SLC39A11: variants seen among roughly 807,000 people sequenced by gnomAD.
SLC39A11 encodes zinc transporter ZIP11.
SLC39A11 carries 33 observed loss-of-function variants against 36.1 expected under a neutral mutation model. That is an observed-to-expected ratio of 0.91 (90% confidence interval 0.69 to 1.22). The LOEUF is 1.22. SLC39A11 is among the 50% of genes most tolerant of loss of function. SLC39A11 has a pLI of 0.00. For missense variants in SLC39A11, 432 were observed against 430.3 expected, an observed-to-expected ratio of 1.00 and a Z score of -0.03; for synonymous variants, 166 against 170.3, an observed-to-expected ratio of 0.97 and a Z score of 0.20.
intron 5 of SLC39A11, among the ~76,000 whole-genome samples, chr17:72,892,034 TA>T (rs71354892): frequency 0.35 from 52,360 of 151,522 alleles, 9,394 homozygotes; most frequent in East Asian, 0.69. Flanking sequence ...GAGATAAGAC[TA>T]TTTTTTTTCC....
chr17:72,900,190 AAAG>A (rs2146918900), intron 5 of SLC39A11, among the ~76,000 whole-genome samples: 1 of 149,084 alleles, frequency 6.7e-6, no homozygotes, highest in East Asian at 2.0e-4. Flanking sequence ...AGAAAGAAAG[AAAG>A]AAAGAAAGAA....
In SLC39A11 at chr17:73,067,103, C is replaced by A. The variant is rs536379395; in HGVS notation, c.147+17705G>T. On this transcript the variant is annotated intron_variant, in intron 3 of 9. Coordinates refer to ENST00000255559, the MANE Select transcript of SLC39A11 (RefSeq NM_139177.4). Reference sequence around the variant, plus strand: ...AATAACAGAATGAAGACTAAAAGTTCTCTCCGCACTAGGCTGTGTGGCCAC... The same window carrying A: ...AATAACAGAATGAAGACTAAAAGTTATCTCCGCACTAGGCTGTGTGGCCAC... Among the ~76,000 whole-genome samples, 16 of 152,226 alleles carry A rather than the reference C, an allele frequency of 1.1e-4. 1 individual carries two copies. The highest frequency in any genetic ancestry group is 1.8e-4 in the Non-Finnish European group (12 of 68,044).
intron 5 of SLC39A11, among the ~76,000 whole-genome samples, chr17:72,897,190 A>C (rs552333643): frequency 6.6e-6 from 1 of 152,294 alleles, no homozygotes; most frequent in South Asian, 2.1e-4. Flanking sequence ...TTCATGGCAG[A>C]GATGATGAAG....
At chr17:72,847,159 T>C (rs1567814421) in intron 6 of SLC39A11, among the ~76,000 whole-genome samples, 1 of 152,068 alleles carries the variant, frequency 6.6e-6, no homozygotes, top group Non-Finnish European at 1.5e-5. Context: ...TCCCAGCACT[T>C]TGAGAGGCTG....
chr17:72,994,589 G>T (rs968109579), intron 4 of SLC39A11, among the ~76,000 whole-genome samples: 1 of 152,072 alleles, frequency 6.6e-6, no homozygotes, highest in African/African-American at 2.4e-5. Context: ...AGTTTTTTAC[G>T]TGTATCATAT....
At chr17:72,742,566 G>C (rs2074760957) in intron 6 of SLC39A11, among the ~76,000 whole-genome samples, 1 of 152,126 alleles carries the variant, frequency 6.6e-6, no homozygotes, top group African/African-American at 2.4e-5. Flanking sequence ...ACTATTTCCT[G>C]ACACTAGACA....
intron 6 of SLC39A11, among the ~76,000 whole-genome samples, chr17:72,760,556 C>A (rs2075542533): frequency 6.6e-6 from 1 of 152,198 alleles, no homozygotes; most frequent in African/African-American, 2.4e-5. Flanking sequence ...CCTACACACC[C>A]CATCTCCTAC....
intron 7 of SLC39A11, among the ~76,000 whole-genome samples, chr17:72,718,552 TG>T (rs34035677): frequency 0.068 from 10,406 of 152,246 alleles, 473 homozygotes; most frequent in African/African-American, 0.13. Context: ...CACACGACTT[TG>T]GGGGAGAGTT....
At position 72,777,905 on chromosome 17, in the gene SLC39A11, A is replaced by G. The variant is rs2567530; in HGVS notation, c.602-41186T>C. Among the ~76,000 whole-genome samples the G allele has an allele frequency of 1.2e-3, 132 of 113,114 alleles. 1 individual carries two copies. Among genetic ancestry groups the G allele is most frequent in the African/African-American group, 3.4e-3 (117 of 34,754 alleles). 74.2% of individuals were successfully genotyped at this position (113,114 alleles called of 152,430 possible). A position where few individuals can be genotyped will look rare whatever the true frequency, so the allele number is the denominator to read the frequency against. On this transcript the variant is annotated intron_variant, in intron 6 of 9. Transcript: ENST00000255559. ...TGTATGTATGTATGTATGTACGTAC[A>G]TACTTACTTACTTATTTGAGACAGA...
chr17:72,777,209 A>G (rs1236421836), intron 6 of SLC39A11, among the ~76,000 whole-genome samples: 2 of 152,300 alleles, frequency 1.3e-5, no homozygotes, highest in East Asian at 3.9e-4. Context: ...TCTAAACCAA[A>G]AAAAGGGCAT....
chr17:72,746,426 G>C (rs927511472), intron 6 of SLC39A11, among the ~76,000 whole-genome samples: 1 of 150,502 alleles, frequency 6.6e-6, no homozygotes, highest in East Asian at 1.9e-4. Flanking sequence ...GACCAGCCTG[G>C]GCAACATAGC....
chr17:72,828,266 C>T (rs1447682325), intron 6 of SLC39A11, among the ~76,000 whole-genome samples: 1 of 152,138 alleles, frequency 6.6e-6, no homozygotes, highest in Non-Finnish European at 1.5e-5. Flanking sequence ...TCTGGAGGAT[C>T]CCACTGTAAT....
At chr17:72,963,800 T>C (rs2086790666) in intron 4 of SLC39A11, among the ~76,000 whole-genome samples, 1 of 152,202 alleles carries the variant, frequency 6.6e-6, no homozygotes, top group African/African-American at 2.4e-5. Flanking sequence ...GATATCTGTG[T>C]TGGCCTCAGG....
intron 4 of SLC39A11, among the ~76,000 whole-genome samples, chr17:73,005,140 C>A (rs532849363): frequency 8.5e-5 from 13 of 152,126 alleles, no homozygotes; most frequent in African/African-American, 2.9e-4. Context: ...GGGATTACAA[C>A]TAATTTTTGT....
At chr17:72,719,439 C>T (rs957388209) in intron 7 of SLC39A11, among the ~76,000 whole-genome samples, 1 of 152,170 alleles carries the variant, frequency 6.6e-6, no homozygotes. Flanking sequence ...CCTTTCTTGG[C>T]GTACCAAGCA....
In SLC39A11 at chr17:72,967,399, A is replaced by AGAGTGTGTGTGTGT. The variant is rs143987646; in HGVS notation, c.307-19525_307-19524insACACACACACACTC. Among the ~76,000 whole-genome samples the AGAGTGTGTGTGTGT allele has an allele frequency of 2.6e-3, 363 of 138,260 alleles. 1 individual carries two copies. Among genetic ancestry groups the AGAGTGTGTGTGTGT allele is most frequent in the African/African-American group, 9.7e-3 (349 of 36,128 alleles). 90.7% of individuals were successfully genotyped at this position (138,260 alleles called of 152,430 possible). On this transcript the variant is annotated intron_variant, in intron 4 of 9. Transcript: ENST00000255559. ...GAGAGAGAGAGAGAGAGAGAGAGAG[A>AGAGTGTGTGTGTGT]GTGTGTGTGTGTGTGTGTTTTCCTT...
chr17:72,896,778 C>T (rs1044476950), intron 5 of SLC39A11, among the ~76,000 whole-genome samples: 14 of 151,828 alleles, frequency 9.2e-5, no homozygotes, highest in Admixed American at 6.6e-4. Flanking sequence ...CAGCCAGGTG[C>T]GGTGGCTCAC....
At chr17:72,720,362 G>T (rs1265359778) in intron 7 of SLC39A11, among the ~76,000 whole-genome samples, 1 of 152,316 alleles carries the variant, frequency 6.6e-6, no homozygotes, top group East Asian at 1.9e-4. Flanking sequence ...GGAGGGCAGA[G>T]CAGCCAGGCA....
intron 7 of SLC39A11, among the ~76,000 whole-genome samples, chr17:72,673,653 C>G (rs900981708): frequency 2.6e-5 from 4 of 152,068 alleles, no homozygotes; most frequent in Admixed American, 1.3e-4. Context: ...TGTAATACAA[C>G]TTAGTTTCAT....
Sources: gnomAD v4.1 joint callset for allele counts (sites outside exome capture counted in the v4.1 genomes callset) on GRCh38, gnomAD v4.1.1 for gene constraint, MANE v1.5 for transcripts, NCBI Gene and HGNC (gene_info 2026-07-23, HGNC 2026-07-21) for gene names.